Variants in TAFA5 observed in about 807,000 individuals in gnomAD.
TAFA5 encodes TAFA chemokine like family member 5.
A neutral mutation model predicts 15.3 loss-of-function variants in TAFA5; 6 were observed. The ratio of observed to expected loss-of-function variants is 0.39; its 90% CI spans 0.21 to 0.77. TAFA5 has a LOEUF of 0.77. Ranked by LOEUF, TAFA5 falls within the 30% of genes least tolerant of loss-of-function variation. The pLI, the probability that TAFA5 is intolerant of heterozygous loss-of-function variation, is 0.41. For missense variants in TAFA5, 161 were observed against 193.1 expected (o/e 0.83, Z 0.98); for synonymous variants, 103 against 80.7 (o/e 1.28, Z -1.48).
chr22:48,516,952 T>C (rs1007255026), intron 1 of TAFA5, among the ~76,000 whole-genome samples: 2 of 152,224 alleles, frequency 1.3e-5, no homozygotes, highest in African/African-American at 2.4e-5. Context: ...GTATTTATTT[T>C]TCGCATAGTT....
intron 2 of TAFA5, among the ~76,000 whole-genome samples, chr22:48,695,674 T>C (rs1160299562): frequency 1.3e-5 from 2 of 152,188 alleles, no homozygotes; most frequent in East Asian, 1.9e-4. Flanking sequence ...ATGGGTTTCA[T>C]GGGTTGTGTG....
At chr22:48,692,737 G>A (rs1366092791) in intron 2 of TAFA5, among the ~76,000 whole-genome samples, 5 of 152,244 alleles carry the variant, frequency 3.3e-5, no homozygotes, top group East Asian at 3.9e-4. Flanking sequence ...AAACGCATAC[G>A]TATCTAGACA....
At chr22:48,520,195 A>G (rs133494) in intron 1 of TAFA5, among the ~76,000 whole-genome samples, 144,256 of 152,374 alleles carry the variant, frequency 0.95, 68,402 homozygotes, top group Middle Eastern at 0.99. Context: ...TGGCCCTGCC[A>G]ACACTTTGTG....
At chr22:48,732,838 C>T (rs1488606490) in intron 3 of TAFA5, among the ~76,000 whole-genome samples, 1 of 152,180 alleles carries the variant, frequency 6.6e-6, no homozygotes, top group African/African-American at 2.4e-5. Context: ...CTTCAGCAAC[C>T]ACCGCCCTGA....
chr22:48,665,485 C>T (rs531513547), intron 2 of TAFA5, among the ~76,000 whole-genome samples: 2 of 152,296 alleles, frequency 1.3e-5, no homozygotes, highest in South Asian at 4.1e-4. Context: ...GACGTTCTCT[C>T]GCGTTCTTGT....
chr22:48,587,307 G>A lies in TAFA5; in HGVS notation c.113-59290G>A, dbSNP rs1161171555. On this transcript the variant is annotated intron_variant, in intron 1 of 3. Transcript: ENST00000402357. ...TCTCACGGGCCTCGGGGTGGGCAGA[G>A]GGTCCTGGACTGCAGGGACTTGCCC... 2.0e-5 allele frequency among the ~76,000 whole-genome samples: 3 copies of A among 152,184 alleles called. No homozygotes were observed. The South Asian group carries it at 6.2e-4, about 32-fold the overall frequency.
intron 1 of TAFA5, among the ~76,000 whole-genome samples, chr22:48,509,425 C>A (rs1420161101): frequency 6.6e-6 from 1 of 152,172 alleles, no homozygotes; most frequent in Non-Finnish European, 1.5e-5. Context: ...TACATTCCCA[C>A]CGATAGTGTA....
chr22:48,503,911 G>A (rs906430049), intron 1 of TAFA5, among the ~76,000 whole-genome samples: 4 of 152,118 alleles, frequency 2.6e-5, no homozygotes, highest in African/African-American at 9.7e-5. Context: ...ACAGGACCCC[G>A]AGTGTGTGGG....
intron 1 of TAFA5, among the ~76,000 whole-genome samples, chr22:48,537,942 C>T (rs1406655175): frequency 1.3e-5 from 2 of 152,172 alleles, no homozygotes; most frequent in Non-Finnish European, 2.9e-5. Context: ...TCCATTCCCC[C>T]GTGGGCCATT....
At chr22:48,544,396 A>G (rs541938395) in intron 1 of TAFA5, 1 of 342,810 alleles carries the variant, frequency 2.9e-6, no homozygotes, top group Admixed American at 3.8e-5. Flanking sequence ...CTCTGTCCCC[A>G]CTCCACGGCC....
Position 48,523,395 on chromosome 22 carries a change from C to T in TAFA5, c.112+33691C>T, listed in dbSNP as rs185393424. Among the ~76,000 whole-genome samples the T allele has an allele frequency of 7.3e-3, 1,111 of 152,336 alleles. 12 individuals carry two copies. Among genetic ancestry groups the T allele is most frequent in the African/African-American group, 0.026 (1,061 of 41,580 alleles). On this transcript the variant is annotated intron_variant, in intron 1 of 3. Coordinates refer to ENST00000402357, the MANE Select transcript of TAFA5 (RefSeq NM_001082967.3). ...ACTCCCCTGGGCCCTCCTGTGTGGC[C>T]GGCTCGCGGCATTCCGCTGGGCTGT...
chr22:48,703,634 G>A (rs1295403127), intron 2 of TAFA5, among the ~76,000 whole-genome samples: 4 of 152,234 alleles, frequency 2.6e-5, no homozygotes, highest in Admixed American at 1.3e-4. Context: ...GGCCTGCGCC[G>A]TATCCACCCT....
intron 3 of TAFA5, among the ~76,000 whole-genome samples, chr22:48,728,676 A>C (rs1929776142): frequency 6.6e-6 from 1 of 152,242 alleles, no homozygotes; most frequent in Non-Finnish European, 1.5e-5. Context: ...ATGTCTTTAA[A>C]TGCCTTTATC....
At chr22:48,738,666 G>C (rs6010513) in intron 3 of TAFA5, among the ~76,000 whole-genome samples, 8 of 152,068 alleles carry the variant, frequency 5.3e-5, no homozygotes, top group Non-Finnish European at 2.9e-5. Flanking sequence ...ACTCCTAAAC[G>C]GGTTATTTTA....
At chr22:48,584,948 TCACA>T (rs1021776662) in intron 1 of TAFA5, among the ~76,000 whole-genome samples, 2 of 102,464 alleles carry the variant, frequency 2.0e-5, no homozygotes, top group African/African-American at 8.3e-5. Flanking sequence ...TGCACTGATA[TCACA>T]CACACACCAC....
chr22:48,562,390 G>A (rs181177294), intron 1 of TAFA5, among the ~76,000 whole-genome samples: 84 of 152,232 alleles, frequency 5.5e-4, no homozygotes, highest in Admixed American at 4.9e-3. Context: ...TGCCTGCCTC[G>A]GCCTCCCAAA....
chr22:48,577,384 C>T (rs1923852563), intron 1 of TAFA5, among the ~76,000 whole-genome samples: 1 of 152,188 alleles, frequency 6.6e-6, no homozygotes, highest in African/African-American at 2.4e-5. Context: ...GCTCCCGGTG[C>T]ACCCCGGGAT....
Position 48,646,685 on chromosome 22 carries a change from C to G in TAFA5, c.201C>G (p.Arg67=). ...PRRTIARQTA[R]CACRKGQIAG... ...GGACGATCGCCCGGCAGACCGCCCG[C>G]TGTGCGTGTAGAAAGGGGCAGATCG... The change falls in exon 2 of 4, where the codon CGC becomes CGG. Residue 67 remains arginine, a synonymous_variant. Coordinates refer to ENST00000402357, the MANE Select transcript of TAFA5 (RefSeq NM_001082967.3). The G allele has an allele frequency of 6.2e-7, 1 of 1,610,610 alleles. No individual in the cohort carries two copies. Among genetic ancestry groups the G allele is most frequent in the Non-Finnish European group, 8.5e-7 (1 of 1,179,572 alleles).
rs574977420 is a variant in TAFA5 at position 48,560,045 on chromosome 22, C to T, written c.112+70341C>T. ...CAGGGTCTTCTTTCTATGCACACGC[C>T]GGCCATCCTCCATCAGGCAGCTGCC... On this transcript the variant is annotated intron_variant, in intron 1 of 3. Transcript: ENST00000402357. The surrounding 1 kb of genome is among the most constrained non-coding windows in gnomAD (Gnocchi z 4.2). Among the ~76,000 whole-genome samples, 8 of 152,264 alleles carry T rather than the reference C, an allele frequency of 5.3e-5. No individual in the cohort carries two copies. Among genetic ancestry groups the T allele is most frequent in the South Asian group, 4.1e-4 (2 of 4,820 alleles).
Sources: gnomAD v4.1 joint callset for allele counts (sites outside exome capture counted in the v4.1 genomes callset) on GRCh38, gnomAD v4.1.1 for gene constraint, Gnocchi (gnomAD v3.1) non-coding constraint, MANE v1.5 for transcripts, NCBI Gene and HGNC (gene_info 2026-07-23, HGNC 2026-07-21) for gene names.